STON2: variants seen among roughly 807,000 people sequenced by gnomAD.
STON2 encodes the protein stonin 2, also known as stonin-2.
In STON2, 29 loss-of-function variants were observed where a neutral mutation model predicts 65.7. That is an observed-to-expected ratio of 0.44 (90% confidence interval 0.33 to 0.60). The LOEUF is 0.60. STON2 is among the 20% of genes least tolerant of loss of function. The pLI is 0.03. For synonymous variants in STON2, 404 were observed against 414.2 expected, an observed-to-expected ratio of 0.98 and a Z score of 0.30; for missense variants, 1,054 against 1,118.1, an observed-to-expected ratio of 0.94 and a Z score of 0.82.
intron 5 of STON2, among the ~76,000 whole-genome samples, chr14:81,314,488 A>C (rs1374374189): frequency 6.6e-6 from 1 of 152,268 alleles, no homozygotes; most frequent in Non-Finnish European, 1.5e-5. Flanking sequence ...CCAGCAACAA[A>C]GAGTGAACCA....
rs745525473 is a variant in STON2 at position 81,276,932 on chromosome 14, C to T, written c.2550G>A (p.Trp850Ter). Residue 850 changes from tryptophan to a stop codon, truncating the protein, a stop_gained, in exon 6 of 8, where the codon TGG becomes TGA. Coordinates refer to ENST00000614646, the MANE Select transcript of STON2 (RefSeq NM_001394390.1). LOFTEE classifies it high-confidence loss of function. Reference sequence around the variant, plus strand: ...TTTTGTCCGGCAGTCGGTTTATCCTCCACACAATGGAGTTGAAGGCATGCT... The same window carrying T: ...TTTTGTCCGGCAGTCGGTTTATCCTTCACACAATGGAGTTGAAGGCATGCT... ...KYEHAFNSIV[W>*]RINRLPDKNS... The T allele has an allele frequency of 1.2e-6, 2 of 1,613,762 alleles. No homozygotes were observed. The highest frequency in any genetic ancestry group is 1.7e-6 in the Non-Finnish European group (2 of 1,179,800).
At chr14:81,369,975 A>G (rs1898911493) in intron 4 of STON2, among the ~76,000 whole-genome samples, 1 of 152,208 alleles carries the variant, frequency 6.6e-6, no homozygotes, top group African/African-American at 2.4e-5. Context: ...GTCTGTGAAA[A>G]CAAAATGCTA....
intron 4 of STON2, among the ~76,000 whole-genome samples, chr14:81,348,000 T>C (rs1897883936): frequency 6.9e-6 from 1 of 144,260 alleles, no homozygotes; most frequent in African/African-American, 2.6e-5. Context: ...ATACATCACA[T>C]CCACAAAATG....
rs1394409903 is a variant in STON2, at chr14:81,278,664, A to G, written c.818T>C (p.Met273Thr). 6.5e-7 allele frequency: 1 copy of G among 1,539,312 alleles called. No individual in the cohort carries two copies. The highest frequency in any genetic ancestry group is 8.7e-7 in the Non-Finnish European group (1 of 1,144,490). The change falls in exon 6 of 8, where the codon ATG (methionine) becomes ACG (threonine). Residue 273 changes from methionine (M) to threonine (T), a missense_variant. Coordinates refer to ENST00000614646, the MANE Select transcript of STON2 (RefSeq NM_001394390.1). ...AISWQASSPAMNGHPAPPVTS... is the reference protein window; with the variant it reads ...AISWQASSPATNGHPAPPVTS... ...CACTGGAGGGGCAGGGTGCCCATTC[A>G]TGGCTGGACTGCTGGCCTGCCAGCT...
chr14:81,335,296 A>T (rs984098115), intron 4 of STON2, among the ~76,000 whole-genome samples: 1 of 152,222 alleles, frequency 6.6e-6, no homozygotes, highest in Non-Finnish European at 1.5e-5. Flanking sequence ...ATTTAAAAAG[A>T]TGAGAAAGAA....
chr14:81,282,357 T>C (rs979643812), intron 5 of STON2, among the ~76,000 whole-genome samples: 27 of 152,210 alleles, frequency 1.8e-4, no homozygotes, highest in Non-Finnish European at 3.8e-4. Flanking sequence ...TGCGTTTCAA[T>C]TCCATACCTA....
intron 4 of STON2, among the ~76,000 whole-genome samples, chr14:81,340,781 T>C (rs1897578755): frequency 6.6e-6 from 1 of 152,106 alleles, no homozygotes; most frequent in East Asian, 1.9e-4. Flanking sequence ...GCTGAGTCAC[T>C]GAAATCTTGG....
chr14:81,339,876 T>C (rs904109197), intron 4 of STON2, among the ~76,000 whole-genome samples: 6 of 152,138 alleles, frequency 3.9e-5, no homozygotes, highest in Admixed American at 3.3e-4. Flanking sequence ...TGAGTAACGC[T>C]GGGCGTGGTG....
At position 81,425,523 on chromosome 14, in the gene STON2, GATC is replaced by G. The variant is rs576699935; in HGVS notation, c.-199+1576_-199+1578del. Among the ~76,000 whole-genome samples, 167 of 152,028 alleles carry G rather than the reference GATC, an allele frequency of 1.1e-3. 4 individuals are homozygous for G. The South Asian group carries it at 0.034, about 31-fold the overall frequency. On this transcript the variant is annotated intron_variant, in intron 2 of 8. Transcript: ENST00000553821. ...GGAGGCAGAGATTGCAGTGAGCCAA[GATC>G]ATGCCACTGTACTCCAGCCTGGACG... is the stretch of plus-strand genomic sequence containing the variant.
In STON2 at chr14:81,357,673, T is replaced by C. The variant is rs542157554; in HGVS notation, c.571+13315A>G. Among the ~76,000 whole-genome samples, 115 of 152,086 alleles carry C rather than the reference T, an allele frequency of 7.6e-4. 1 individual carries two copies. The highest frequency in any genetic ancestry group is 1.2e-3 in the Non-Finnish European group (84 of 67,986). ...ACAGTGATAGACTGGATTAAGAAAA[T>C]GTGGCACATATACACCATGGAATAC... On this transcript the variant is annotated intron_variant, in intron 4 of 7. Coordinates refer to ENST00000614646, the MANE Select transcript of STON2 (RefSeq NM_001394390.1).
At position 81,376,990 on chromosome 14, in the gene STON2, A is replaced by G. The variant is rs1307316500; in HGVS notation, c.374-5805T>C. Among the ~76,000 whole-genome samples, 3 of 152,250 alleles carry G rather than the reference A, an allele frequency of 2.0e-5. No individual in the cohort carries two copies. In the South Asian group the frequency reaches 6.2e-4, roughly 32 times the overall value. On this transcript the variant is annotated intron_variant, in intron 3 of 7. Transcript: ENST00000614646. ...TTAATACAATCCACCAATCTTATTC[A>G]TATTTCCCCAGTTTTACATGTACGT... is the stretch of plus-strand genomic sequence containing the variant.
intron 4 of STON2, among the ~76,000 whole-genome samples, chr14:81,357,846 C>T (rs1235332491): frequency 7.4e-6 from 1 of 135,000 alleles, no homozygotes; most frequent in Non-Finnish European, 1.5e-5. Flanking sequence ...AATGAGAACA[C>T]GTGGACACAG....
Position 81,291,483 on chromosome 14 carries a change from C to A in STON2, c.743-12744G>T, listed in dbSNP as rs1895551144. ...CGTTTTAGCAGTCTAGACAAGCAGT[C>A]CCCAAAGTGGAACAGTAGACTTAAG... On this transcript the variant is annotated intron_variant, in intron 5 of 7. Transcript: ENST00000614646. Among the ~76,000 whole-genome samples, 5 of 152,080 alleles carry A rather than the reference C, an allele frequency of 3.3e-5. No individual in the cohort carries two copies. In the South Asian group the frequency reaches 1.0e-3, roughly 32 times the overall value.
chr14:81,376,245 A>G (rs1899245956), intron 3 of STON2, among the ~76,000 whole-genome samples: 1 of 151,910 alleles, frequency 6.6e-6, no homozygotes, highest in South Asian at 2.1e-4. Flanking sequence ...GTTCTTAGAG[A>G]AGACTAATAG....
chr14:81,266,658 G>A lies in STON2; in HGVS notation c.*1756C>T, dbSNP rs1894368760. On this transcript the variant is annotated 3_prime_UTR_variant, in exon 8 of 8. Transcript: ENST00000614646. ...ATGGAGGGTTAATAAAAGCATGTAA[G>A]GCTTTTATTAACACCAGCTGACTAC... The A allele has an allele frequency of 5.1e-6, 5 of 983,480 alleles. No homozygotes were observed. The highest frequency in any genetic ancestry group is 1.7e-5 in the African/African-American group (1 of 57,280). 60.9% of individuals were successfully genotyped at this position (983,480 alleles called of 1,614,324 possible).
intron 2 of STON2, chr14:81,413,163 A>G: frequency 6.9e-7 from 1 of 1,458,504 alleles, no homozygotes; most frequent in Non-Finnish European, 9.3e-7. Flanking sequence ...TTCAGTAGTT[A>G]CGTGACACAT....
Position 81,355,838 on chromosome 14 carries a change from G to A in STON2, c.571+15150C>T, listed in dbSNP as rs905877354. Among the ~76,000 whole-genome samples, 12 of 152,186 alleles carry A rather than the reference G, an allele frequency of 7.9e-5. No individual in the cohort carries two copies. The East Asian group carries it at 2.1e-3, about 27-fold the overall frequency. Reference sequence around the variant, plus strand: ...GTTATTGGTGTATAAGAATGCTTGTGATTTTTGTACATTGATTTTGTATCC... The same window carrying A: ...GTTATTGGTGTATAAGAATGCTTGTAATTTTTGTACATTGATTTTGTATCC... On this transcript the variant is annotated intron_variant, in intron 4 of 7. Coordinates refer to ENST00000614646, the MANE Select transcript of STON2 (RefSeq NM_001394390.1).
In STON2 at chr14:81,277,797, G is replaced by A. The variant is rs762916208; in HGVS notation, c.1685C>T (p.Thr562Ile). The change falls in exon 6 of 8, where the codon ACC becomes ATC. Residue 562 changes from threonine (T) to isoleucine (I), a missense_variant. Thr to Ile is a moderately conservative substitution (Grantham distance 89). Coordinates refer to ENST00000614646, the MANE Select transcript of STON2 (RefSeq NM_001394390.1). ...CTGGTATTTCTTCTTCTCTTTATAG[G>A]TGACACGGTCTATCCGCAAGCTGTG... ...RIHSLRIDRVTYKEKKKYQPK... is the reference protein window; with the variant it reads ...RIHSLRIDRVIYKEKKKYQPK... 2.5e-6 allele frequency: 4 copies of A among 1,614,024 alleles called. No homozygotes were observed. In the African/African-American group the frequency reaches 5.3e-5, roughly 22 times the overall value.
At chr14:81,320,830 A>G (rs1192185432) in intron 5 of STON2, among the ~76,000 whole-genome samples, 1 of 152,158 alleles carries the variant, frequency 6.6e-6, no homozygotes, top group African/African-American at 2.4e-5. Flanking sequence ...CACCCTCTAA[A>G]GGACCCCAGA....
Sources: allele counts gnomAD v4.1 joint callset (sites outside exome capture counted in the v4.1 genomes callset), GRCh38; gene constraint gnomAD v4.1.1; transcripts MANE v1.5; gene names NCBI Gene and HGNC (gene_info 2026-07-23, HGNC 2026-07-21).